The following CTTNBP2 variants were observed in gnomAD, a reference collection of about 807,000 sequenced individuals.
The protein encoded by CTTNBP2 is cortactin-binding protein 2.
In CTTNBP2, 108 loss-of-function variants were observed where a neutral mutation model predicts 156.9. The observed-to-expected ratio is 0.69, with a 90% CI of 0.59 to 0.81. The LOEUF is 0.81. Among genes scored for constraint, CTTNBP2 ranks in the 30% least tolerant of loss-of-function variants. The pLI is 0.00. For missense variants in CTTNBP2, 1,924 were observed against 2,035.4 expected (o/e 0.95, Z 1.05); for synonymous variants, 767 against 751.8 (o/e 1.02, Z -0.33).
Position 117,791,543 on chromosome 7 carries a change from C to A in CTTNBP2, c.1653G>T (p.Gly551=). ...GTGGTGGAGAAGGAGTTTGGGAGAG[C>A]CCTGGCTTTTTTGGAGGGATAGGAG... is the stretch of plus-strand genomic sequence containing the variant. ...NPPPIPPKKP[G]LSQTPSPPHP... The change falls in exon 4 of 23, where the codon GGG becomes GGT. Residue 551 remains glycine, a synonymous_variant. Coordinates refer to ENST00000160373, the MANE Select transcript of CTTNBP2 (RefSeq NM_033427.3). The A allele has an allele frequency of 6.2e-7, 1 of 1,614,018 alleles. No homozygotes were observed. The highest frequency in any genetic ancestry group is 8.5e-7 in the Non-Finnish European group (1 of 1,179,992).
chr7:117,715,491 A>AAAAAAAAAG (rs1355121110), intron 22 of CTTNBP2, among the ~76,000 whole-genome samples: 1 of 151,490 alleles, frequency 6.6e-6, no homozygotes, highest in African/African-American at 2.4e-5. Flanking sequence ...AAAAAAAAAA[A>AAAAAAAAAG]AAGAAGCCTC....
rs767363138 is a variant in CTTNBP2, at chr7:117,780,948, G to A, written c.2373-357C>T. ...TGATAAATATATATTATTTTGGTTC[G>A]AAATAGTTTGAACACTGAAAAAAGG... On this transcript the variant is annotated intron_variant, in intron 6 of 22. Coordinates refer to ENST00000160373, the MANE Select transcript of CTTNBP2 (RefSeq NM_033427.3). Among the ~76,000 whole-genome samples the A allele has an allele frequency of 2.6e-5, 4 of 152,126 alleles. 1 individual carries two copies. The highest frequency in any genetic ancestry group is 7.2e-5 in the African/African-American group (3 of 41,432).
At chr7:117,728,294 G>A (rs764333390) in intron 16 of CTTNBP2, 27 bp from the exon 17 acceptor site, 2 of 1,566,016 alleles carry the variant, frequency 1.3e-6, no homozygotes, top group Non-Finnish European at 8.7e-7. Context: ...GTGGAACCCA[G>A]GGGCTTGGTT....
chr7:117,753,896 C>T (rs1796751236), intron 12 of CTTNBP2, among the ~76,000 whole-genome samples: 1 of 152,136 alleles, frequency 6.6e-6, no homozygotes, highest in African/African-American at 2.4e-5. Context: ...TGCACATGTA[C>T]CCCAGAACGT....
intron 2 of CTTNBP2, among the ~76,000 whole-genome samples, chr7:117,825,939 C>T (rs1281442345): frequency 6.6e-6 from 1 of 152,078 alleles, no homozygotes; most frequent in African/African-American, 2.4e-5. Context: ...AAATGGGAAG[C>T]CACGTGCCAG....
chr7:117,833,954 TCA>T (rs1801774241), intron 2 of CTTNBP2, among the ~76,000 whole-genome samples: 1 of 152,228 alleles, frequency 6.6e-6, no homozygotes, highest in African/African-American at 2.4e-5. Flanking sequence ...TGCTGCTTAC[TCA>T]CAGTCCTTTA....
intron 17 of CTTNBP2, among the ~76,000 whole-genome samples, chr7:117,726,795 T>A (rs562057551): frequency 6.6e-6 from 1 of 152,238 alleles, no homozygotes; most frequent in Admixed American, 6.5e-5. Flanking sequence ...TATCACCCTG[T>A]GGGGCTTCAG....
chr7:117,810,735 G>C, intron 3 of CTTNBP2, 30 bp downstream of exon 3: 1 of 1,560,572 alleles, frequency 6.4e-7, no homozygotes. Flanking sequence ...CCATGTTGTG[G>C]GGAAAATGAC....
intron 14 of CTTNBP2, among the ~76,000 whole-genome samples, chr7:117,743,574 C>A (rs188256801): frequency 6.6e-6 from 1 of 151,632 alleles, no homozygotes; most frequent in Admixed American, 6.6e-5. Context: ...AGAATAGGGC[C>A]TACATGGTGA....
chr7:117,812,633 A>G (rs546083927), intron 2 of CTTNBP2, among the ~76,000 whole-genome samples: 12 of 152,318 alleles, frequency 7.9e-5, no homozygotes, highest in Non-Finnish European at 1.0e-4. Context: ...TTTATGAGCT[A>G]AAAGCACTCG....
chr7:117,792,085 G>C lies in CTTNBP2; in HGVS notation c.1111C>G (p.Pro371Ala). 1.2e-6 allele frequency: 2 copies of C among 1,614,114 alleles called. No homozygotes were observed. The highest frequency in any genetic ancestry group is 1.7e-6 in the Non-Finnish European group (2 of 1,180,016). ...TTTGCACTTGGAGGTGGGAAAGCGGGTACAGAAGCGCCAATCAAGTCACCA... is the reference window on the plus strand; with the variant it reads ...TTTGCACTTGGAGGTGGGAAAGCGGCTACAGAAGCGCCAATCAAGTCACCA... The part of the protein sequence containing the change: ...SYGDLIGASV[P>A]AFPPPSANKI... The change falls in exon 4 of 23, where the codon CCC becomes GCC. Residue 371 changes from proline to alanine, a missense_variant. Pro to Ala is a conservative substitution (Grantham distance 27). Coordinates refer to ENST00000160373, the MANE Select transcript of CTTNBP2 (RefSeq NM_033427.3). The surrounding 1 kb of genome is among the most constrained non-coding windows in gnomAD (Gnocchi z 4.2).
At chr7:117,859,005 T>C (rs915194387) in intron 2 of CTTNBP2, among the ~76,000 whole-genome samples, 16 of 152,326 alleles carry the variant, frequency 1.1e-4, no homozygotes, top group Admixed American at 5.2e-4. Flanking sequence ...ACACGTGTTT[T>C]ATCACGTCTT....
rs1410201523 is a variant in CTTNBP2, at chr7:117,780,337, A to G, written c.2523+104T>C. The G allele has an allele frequency of 3.8e-6, 3 of 791,114 alleles. No homozygotes were observed. In the South Asian group the frequency reaches 9.3e-5, roughly 25 times the overall value. 49.0% of individuals were successfully genotyped at this position (791,114 alleles called of 1,614,324 possible). A position where few individuals can be genotyped will look rare whatever the true frequency, so the allele number is the denominator to read the frequency against. On this transcript the variant is annotated intron_variant, in intron 7 of 22. Coordinates refer to ENST00000160373, the MANE Select transcript of CTTNBP2 (RefSeq NM_033427.3). ...TTCCAAATCCTACAAGCAAAACAAA[A>G]TAAAGCAACCTCTATTTTAATTTAT... is the stretch of plus-strand genomic sequence containing the variant.
At chr7:117,836,541 C>T (rs757008149) in intron 2 of CTTNBP2, among the ~76,000 whole-genome samples, 2 of 152,024 alleles carry the variant, frequency 1.3e-5, no homozygotes, top group Admixed American at 6.6e-5. Context: ...CCAGCCTGGG[C>T]GACAGAGCGA....
chr7:117,843,940 G>A (rs35554070), intron 2 of CTTNBP2, among the ~76,000 whole-genome samples: 8,450 of 152,206 alleles, frequency 0.056, 236 homozygotes, highest in Non-Finnish European at 0.069. Context: ...ATCTTGAGAT[G>A]GGAAGACTAT....
At chr7:117,784,983 T>C (rs1170765143) in intron 4 of CTTNBP2, among the ~76,000 whole-genome samples, 1 of 152,100 alleles carries the variant, frequency 6.6e-6, no homozygotes, top group African/African-American at 2.4e-5. Context: ...GACCAAAGAG[T>C]CTATTTATAT....
chr7:117,815,929 G>A (rs9641584), intron 2 of CTTNBP2, among the ~76,000 whole-genome samples: 86,935 of 151,884 alleles, frequency 0.57, 24,981 homozygotes, highest in East Asian at 0.71. Context: ...TTTAACTGAC[G>A]CATCCAACCC....
In CTTNBP2 at chr7:117,728,208, C is replaced by G. The variant is rs1374544106; in HGVS notation, c.3936G>C (p.Leu1312=). 1 of 1,614,190 alleles carries G rather than the reference C, an allele frequency of 6.2e-7. No homozygotes were observed. The highest frequency in any genetic ancestry group is 2.2e-5 in the East Asian group (1 of 44,886). The part of the protein sequence containing the change: ...DPVCKIVDWA[L]SVWRQLNSCL... ...AGGAGTTAAGCTGACGCCAGACGGACAGAGCCCAGTCGACAATCTTGCACA... is the reference window on the plus strand; with the variant it reads ...AGGAGTTAAGCTGACGCCAGACGGAGAGAGCCCAGTCGACAATCTTGCACA... The change falls in exon 17 of 23, where the codon CTG becomes CTC. Residue 1312 remains leucine (L), a synonymous_variant. Coordinates refer to ENST00000160373, the MANE Select transcript of CTTNBP2 (RefSeq NM_033427.3).
intron 4 of CTTNBP2, among the ~76,000 whole-genome samples, chr7:117,784,806 T>C (rs1320314075): frequency 2.0e-5 from 3 of 152,232 alleles, no homozygotes; most frequent in African/African-American, 7.2e-5. Flanking sequence ...AATTTGAATT[T>C]TAAAATGTAA....
Sources: allele counts gnomAD v4.1 joint callset (sites outside exome capture counted in the v4.1 genomes callset), GRCh38; gene constraint gnomAD v4.1.1; non-coding constraint Gnocchi (gnomAD v3.1); transcripts MANE v1.5; gene names NCBI Gene and HGNC (gene_info 2026-07-23, HGNC 2026-07-21).